The following SEMA6D variants were observed in gnomAD, a reference collection of about 807,000 sequenced individuals.
SEMA6D encodes the protein semaphorin-6D.
In SEMA6D, 35 loss-of-function variants were observed where a neutral mutation model predicts 106.6. The ratio of observed to expected loss-of-function variants is 0.33; its 90% CI spans 0.25 to 0.44. SEMA6D has a LOEUF of 0.44. Among genes scored for constraint, SEMA6D ranks in the 20% least tolerant of loss-of-function variants. The pLI, the probability that SEMA6D is intolerant of heterozygous loss-of-function variation, is 1.00. For synonymous variants in SEMA6D, 499 were observed against 487.7 expected (o/e 1.02, Z -0.31); for missense variants, 1,185 against 1,345.9 (o/e 0.88, Z 1.87).
At chr15:47,554,486 C>T (rs893037620) in intron 3 of SEMA6D, among the ~76,000 whole-genome samples, 9 of 152,202 alleles carry the variant, frequency 5.9e-5, no homozygotes, top group African/African-American at 9.7e-5. Context: ...AGAAAACAAA[C>T]TTTGTCACAG....
At chr15:47,207,831 C>G (rs17283975) in intron 1 of SEMA6D, among the ~76,000 whole-genome samples, 3,415 of 152,010 alleles carry the variant, frequency 0.022, 76 homozygotes, top group African/African-American at 0.04. Flanking sequence ...TCATCTAGTA[C>G]GAGATCAGAG....
intron 1 of SEMA6D, among the ~76,000 whole-genome samples, chr15:47,267,260 C>A (rs967051640): frequency 2.8e-4 from 42 of 152,078 alleles, no homozygotes; most frequent in African/African-American, 1.0e-3. Context: ...CTTTGTAGAT[C>A]TGTTTCCATT....
At chr15:47,730,540 A>G in intron 1 of SEMA6D, 1 of 1,314,864 alleles carries the variant, frequency 7.6e-7, no homozygotes, top group Non-Finnish European at 1.1e-6. Flanking sequence ...CTCGAAGGAC[A>G]GGTGGTCTCT....
At chr15:47,608,520 CT>C (rs1404603082) in intron 4 of SEMA6D, among the ~76,000 whole-genome samples, 2 of 152,110 alleles carry the variant, frequency 1.3e-5, no homozygotes, top group African/African-American at 4.8e-5. Context: ...AGGAAAGCTA[CT>C]TTTTTTGCTT....
chr15:47,630,716 A>C (rs1025343822), intron 4 of SEMA6D, among the ~76,000 whole-genome samples: 2 of 151,850 alleles, frequency 1.3e-5, no homozygotes, highest in African/African-American at 2.4e-5. Flanking sequence ...ATTACGTATG[A>C]TATTAGCTGT....
At chr15:47,523,691 A>C (rs567840360) in intron 3 of SEMA6D, among the ~76,000 whole-genome samples, 42 of 152,318 alleles carry the variant, frequency 2.8e-4, no homozygotes, top group Non-Finnish European at 5.7e-4. Flanking sequence ...ATTTGTGAGC[A>C]TTCCCTTCTG....
intron 2 of SEMA6D, among the ~76,000 whole-genome samples, chr15:47,433,288 G>A (rs540968741): frequency 1.3e-5 from 2 of 151,966 alleles, no homozygotes; most frequent in South Asian, 4.1e-4. Context: ...CTAATAAAAG[G>A]TTGTACATTT....
Position 47,760,963 on chromosome 15 carries a change from C to A in SEMA6D, c.222-15C>A, listed in dbSNP as rs1447018598. ...TGTATTCACGTGATATGTTTTATTG[C>A]CTTATTTCCAACAGGGATCAAGTTT... On this transcript the variant is annotated splice_polypyrimidine_tract_variant and intron_variant, in intron 3 of 18. Coordinates refer to ENST00000536845, the MANE Select transcript of SEMA6D (RefSeq NM_001358351.3). 20 of 1,607,046 alleles carry A rather than the reference C, an allele frequency of 1.2e-5. No individual in the cohort carries two copies. The highest frequency in any genetic ancestry group is 2.7e-5 in the African/African-American group (2 of 74,624).
chr15:47,232,886 T>C (rs1462165140), intron 1 of SEMA6D, among the ~76,000 whole-genome samples: 1 of 151,986 alleles, frequency 6.6e-6, no homozygotes, highest in Non-Finnish European at 1.5e-5. Context: ...GTGGGTTGTC[T>C]ATTTACTTTC....
intron 3 of SEMA6D, among the ~76,000 whole-genome samples, chr15:47,475,297 G>T (rs2042971565): frequency 6.6e-6 from 1 of 152,092 alleles, no homozygotes; most frequent in South Asian, 2.1e-4. Flanking sequence ...TATTGATGTT[G>T]CATAACAACT....
In SEMA6D at chr15:47,587,275, ACCT is replaced by A. The variant is rs993119837; in HGVS notation, c.-86-13585_-86-13583del. Among the ~76,000 whole-genome samples the A allele has an allele frequency of 1.7e-4, 25 of 148,330 alleles. 1 individual carries two copies. Among genetic ancestry groups the A allele is most frequent in the Admixed American group, 1.5e-3 (23 of 14,966 alleles). On this transcript the variant is annotated intron_variant, in intron 3 of 19. Coordinates refer to the SEMA6D transcript ENST00000558014. The stretch of plus-strand genomic sequence containing the variant: ...TCCTGGGTTTCAAAGTGGTCCCATC[ACCT>A]CCTCTACACTTCTTCCATTCAGACA...
chr15:47,478,920 C>T lies in SEMA6D; in HGVS notation c.-87+8375C>T, dbSNP rs151154566. ...AGGCAAGAGAGAGTGTGCAGAGGAA[C>T]TACCCTTTATAAAACCATTGGATCT... On this transcript the variant is annotated intron_variant, in intron 3 of 19. Transcript: ENST00000558014. 1.2e-4 allele frequency among the ~76,000 whole-genome samples: 18 copies of T among 152,206 alleles called. No homozygotes were observed. The East Asian group carries it at 3.5e-3, about 29-fold the overall frequency.
chr15:47,426,141 G>A (rs534395382), intron 2 of SEMA6D, among the ~76,000 whole-genome samples: 2 of 152,098 alleles, frequency 1.3e-5, no homozygotes, highest in African/African-American at 4.8e-5. Flanking sequence ...CATGGATTTT[G>A]TATTACTTAG....
chr15:47,762,447 C>A, intron 8 of SEMA6D, 128 bp downstream of exon 8: 1 of 1,051,528 alleles, frequency 9.5e-7, no homozygotes, highest in Non-Finnish European at 1.4e-6. Flanking sequence ...GTACACACTG[C>A]TTTGATTGTG....
chr15:47,727,197 C>CTCTG (rs2079812038), intron 1 of SEMA6D, among the ~76,000 whole-genome samples: 1 of 152,176 alleles, frequency 6.6e-6, no homozygotes, highest in Non-Finnish European at 1.5e-5. Context: ...TCCAGGCCAT[C>CTCTG]TCTGTCGTCA....
At chr15:47,666,036 A>C (rs1262425265) in intron 4 of SEMA6D, among the ~76,000 whole-genome samples, 1 of 152,180 alleles carries the variant, frequency 6.6e-6, no homozygotes, top group African/African-American at 2.4e-5. Flanking sequence ...TTGCTATCCT[A>C]AAGTTAGATG....
chr15:47,687,143 A>C (rs1214911410), intron 4 of SEMA6D, among the ~76,000 whole-genome samples: 1 of 152,064 alleles, frequency 6.6e-6, no homozygotes, highest in Non-Finnish European at 1.5e-5. Flanking sequence ...ACTTCGACTA[A>C]ATCTAGAAAT....
intron 1 of SEMA6D, among the ~76,000 whole-genome samples, chr15:47,269,897 CT>C (rs201010663): frequency 5.3e-5 from 8 of 151,442 alleles, no homozygotes; most frequent in Admixed American, 4.6e-4. Flanking sequence ...TTTAATGTAT[CT>C]TTTTTTTATT....
chr15:47,761,122 G>A, intron 4 of SEMA6D, 36 bp from the exon 5 acceptor site: 2 of 1,612,974 alleles, frequency 1.2e-6, no homozygotes, highest in Non-Finnish European at 1.7e-6. Context: ...AATGTTCGCA[G>A]TTAAAAACTG....
Sources: gnomAD v4.1 joint callset for allele counts (sites outside exome capture counted in the v4.1 genomes callset) on GRCh38, gnomAD v4.1.1 for gene constraint, MANE v1.5 for transcripts, NCBI Gene and HGNC (gene_info 2026-07-23, HGNC 2026-07-21) for gene names.